MYO9B: variants seen among roughly 807,000 people sequenced by gnomAD.
The protein encoded by MYO9B is myosin IXB, also known as unconventional myosin-IXb.
Under a neutral mutation model 229.5 loss-of-function variants are expected in MYO9B, and 71 were observed. That is an observed-to-expected ratio of 0.31 (90% CI 0.26 to 0.38). MYO9B has a LOEUF of 0.38. MYO9B is among the 10% of genes least tolerant of loss of function. The probability of loss-of-function intolerance (pLI) is 1.00; values close to 1 mark genes in which losing one functional copy is unlikely to be tolerated. For synonymous variants in MYO9B, 1,185 were observed against 1,235.8 expected (o/e 0.96, Z 0.86); for missense variants, 2,255 against 2,920.5 (o/e 0.77, Z 5.25).
intron 2 of MYO9B, among the ~76,000 whole-genome samples, chr19:17,140,291 A>C (rs2072321720): frequency 1.3e-5 from 2 of 152,280 alleles, no homozygotes; most frequent in Non-Finnish European, 2.9e-5. Flanking sequence ...AGGCTCTGGC[A>C]GATTTGGTGT....
chr19:17,138,068 A>C (rs1337877912), intron 2 of MYO9B, among the ~76,000 whole-genome samples: 1 of 151,926 alleles, frequency 6.6e-6, no homozygotes, highest in African/African-American at 2.4e-5. Flanking sequence ...TACCCCCTAC[A>C]GGCCCTGGTG....
intron 3 of MYO9B, among the ~76,000 whole-genome samples, chr19:17,148,661 G>C (rs530468857): frequency 6.6e-6 from 1 of 152,276 alleles, no homozygotes; most frequent in East Asian, 1.9e-4. Context: ...TCTGCTCACT[G>C]CAACCTCCGC....
intron 2 of MYO9B, among the ~76,000 whole-genome samples, chr19:17,140,300 G>A (rs966029060): frequency 2.0e-5 from 3 of 152,156 alleles, no homozygotes; most frequent in Non-Finnish European, 4.4e-5. Flanking sequence ...CAGATTTGGT[G>A]TCAGGTGAAG....
At chr19:17,076,258 C>T (rs1016149703) in intron 1 of MYO9B, among the ~76,000 whole-genome samples, 2 of 151,008 alleles carry the variant, frequency 1.3e-5, no homozygotes, top group Non-Finnish European at 3.0e-5. Context: ...GCGGGACAGC[C>T]GGGGTGCGGT....
intron 22 of MYO9B, among the ~76,000 whole-genome samples, chr19:17,197,406 T>TAGATAGATAGATAGATACATA (rs1555704365): frequency 2.3e-5 from 3 of 128,776 alleles, no homozygotes; most frequent in African/African-American, 9.5e-5. Context: ...GATAGATAGA[T>TAGATAGATAGATAGATACATA]GATAGATAGA....
Position 17,154,356 on chromosome 19 carries a change from C to G in MYO9B, c.1140C>G (p.Asp380Glu). Residue 380 changes from aspartate (D) to glutamate (E), a missense_variant, in exon 6 of 40, where the codon GAC becomes GAG. Asp to Glu is a conservative substitution (Grantham distance 45). This residue lies in a region of MYO9B where 386 missense variants were observed against 515.2 expected (regional missense o/e 0.75). Coordinates refer to ENST00000682292, the MANE Select transcript of MYO9B (RefSeq NM_004145.4). Reference protein sequence around the residue: ...KIEDGEDLKHDFERLKQAMEM... With the variant: ...KIEDGEDLKHEFERLKQAMEM... ...AAGATGGGGAGGACCTGAAGCATGA[C>G]TTTGAGAGGCTCAAGCAGGCCATGG... 2 of 1,613,380 alleles carry G rather than the reference C, an allele frequency of 1.2e-6. No individual in the cohort carries two copies. The highest frequency in any genetic ancestry group is 1.7e-6 in the Non-Finnish European group (2 of 1,179,438).
At chr19:17,149,249 G>A (rs1413530827) in intron 3 of MYO9B, among the ~76,000 whole-genome samples, 1 of 152,132 alleles carries the variant, frequency 6.6e-6, no homozygotes, top group Non-Finnish European at 1.5e-5. Flanking sequence ...AAGCTCTGGG[G>A]ATTACAGGCA....
chr19:17,175,882 G>GAGT, intron 14 of MYO9B, 141 bp downstream of exon 14: 1 of 659,108 alleles, frequency 1.5e-6, no homozygotes, highest in East Asian at 3.3e-5. Context: ...GCCCAGGCTG[G>GAGT]AGTGCAATGG....
At chr19:17,115,119 G>T (rs1234513655) in intron 2 of MYO9B, among the ~76,000 whole-genome samples, 2 of 151,942 alleles carry the variant, frequency 1.3e-5, no homozygotes, top group African/African-American at 2.4e-5. Context: ...CTCCAAATTA[G>T]CTGGGACTAC....
In MYO9B at chr19:17,172,770, G is replaced by A. The variant is rs750419879; in HGVS notation, c.1947G>A (p.Glu649=). The A allele has an allele frequency of 1.2e-6, 2 of 1,613,574 alleles. No homozygotes were observed. Among genetic ancestry groups the A allele is most frequent in the Non-Finnish European group, 1.7e-6 (2 of 1,179,798 alleles). The change falls in exon 13 of 40, where the codon GAG becomes GAA. Residue 649 remains glutamate, a synonymous_variant. Coordinates refer to ENST00000682292, the MANE Select transcript of MYO9B (RefSeq NM_004145.4). The surrounding 1 kb of genome is among the most constrained non-coding windows in gnomAD (Gnocchi z 8.2). ...CCATCCCCCACCAGGACTTCCGGGA[G>A]AAGAACATGGACTACATGCGGCCAG... is the stretch of plus-strand genomic sequence containing the variant. ...KVKYQIKDFR[E]KNMDYMRPDI...
Position 17,210,855 on chromosome 19 carries a change from G to A in MYO9B, c.5930+7G>A, listed in dbSNP as rs764514843. ...AGTCCATCAAGGAGGAGAAGCAAGTGGCTCAGTCCCCTCCCTCAGTCCTTC... is the reference window on the plus strand; with the variant it reads ...AGTCCATCAAGGAGGAGAAGCAAGTAGCTCAGTCCCCTCCCTCAGTCCTTC... On this transcript the variant is annotated splice_region_variant and intron_variant, in intron 38 of 39. Coordinates refer to ENST00000682292, the MANE Select transcript of MYO9B (RefSeq NM_004145.4). 2 of 1,594,834 alleles carry A rather than the reference G, an allele frequency of 1.3e-6. No homozygotes were observed. The highest frequency in any genetic ancestry group is 2.7e-5 in the African/African-American group (2 of 74,442).
chr19:17,084,710 A>G (rs1443777186), intron 1 of MYO9B, among the ~76,000 whole-genome samples: 2 of 117,452 alleles, frequency 1.7e-5, no homozygotes, highest in East Asian at 4.5e-4. Context: ...CTAAAAATAC[A>G]AAAAAAAAAA....
intron 18 of MYO9B, among the ~76,000 whole-genome samples, chr19:17,186,447 G>C (rs2072920411): frequency 6.6e-6 from 1 of 152,122 alleles, no homozygotes; most frequent in Admixed American, 6.5e-5. Flanking sequence ...TACCCCAGAG[G>C]TCCACTCCAT....
chr19:17,184,791 G>C (rs1198376245), intron 16 of MYO9B, 74 bp from the exon 17 acceptor site: 2 of 1,597,042 alleles, frequency 1.3e-6, no homozygotes, highest in Non-Finnish European at 1.7e-6. Flanking sequence ...CCTGGCTTCG[G>C]GGACACCTGT....
At chr19:17,139,041 G>T (rs2072305506) in intron 2 of MYO9B, among the ~76,000 whole-genome samples, 3 of 152,152 alleles carry the variant, frequency 2.0e-5, no homozygotes, top group Admixed American at 2.0e-4. Flanking sequence ...GTCGGGCATG[G>T]TGGCTCGCGC....
intron 10 of MYO9B, among the ~76,000 whole-genome samples, chr19:17,167,043 C>T (rs1162509965): frequency 6.8e-6 from 1 of 146,340 alleles, no homozygotes; most frequent in Admixed American, 6.6e-5. Context: ...TGCTTGGGAG[C>T]AGAAGTGTCT....
intron 14 of MYO9B, 144 bp downstream of exon 14, chr19:17,175,885 T>G (rs1469330251): frequency 1.2e-5 from 8 of 642,502 alleles, no homozygotes; most frequent in Non-Finnish European, 2.0e-5. Context: ...CAGGCTGGAG[T>G]GCAATGGCGC....
intron 2 of MYO9B, among the ~76,000 whole-genome samples, chr19:17,127,876 T>C (rs1337099444): frequency 6.6e-6 from 1 of 152,252 alleles, no homozygotes; most frequent in Non-Finnish European, 1.5e-5. Context: ...ACAAGTTTAC[T>C]GGCCCCTGAT....
At chr19:17,092,169 C>G (rs1480612236) in intron 1 of MYO9B, among the ~76,000 whole-genome samples, 1 of 152,234 alleles carries the variant, frequency 6.6e-6, no homozygotes, top group African/African-American at 2.4e-5. Flanking sequence ...TGGCTTCTCG[C>G]TCAGAGCTGC....
Sources: gnomAD v4.1 joint callset for allele counts (sites outside exome capture counted in the v4.1 genomes callset) on GRCh38, gnomAD v4.1.1 for gene constraint, gnomAD v4.1.1 regional missense constraint, Gnocchi (gnomAD v3.1) non-coding constraint, MANE v1.5 for transcripts, NCBI Gene and HGNC (gene_info 2026-07-23, HGNC 2026-07-21) for gene names.